The following SMU1 variants were observed in gnomAD, a reference collection of about 807,000 sequenced individuals.
The protein encoded by SMU1 is WD40 repeat-containing protein SMU1.
A neutral mutation model predicts 62.0 loss-of-function variants in SMU1; 2 were observed. That is an observed-to-expected ratio of 0.03 (90% confidence interval 0.01 to 0.10). The LOEUF is 0.10. Among genes scored for constraint, SMU1 ranks in the 10% least tolerant of loss-of-function variants. The pLI is 1.00. For synonymous variants in SMU1, 188 were observed against 212.4 expected (o/e 0.89, Z 1.00); for missense variants, 227 against 622.1 (o/e 0.36, Z 6.76).
intron 4 of SMU1, among the ~76,000 whole-genome samples, chr9:33,066,436 T>C (rs1406160068): frequency 1.4e-5 from 2 of 143,678 alleles, no homozygotes; most frequent in East Asian, 4.1e-4. Context: ...ACACCTGTAA[T>C]CCCAGTACTT....
chr9:33,051,076 G>A (rs1331555650), intron 10 of SMU1, among the ~76,000 whole-genome samples: 6 of 109,262 alleles, frequency 5.5e-5, no homozygotes, highest in African/African-American at 1.6e-4. Context: ...AGCCGAGATC[G>A]CGCCACTGCA....
chr9:33,048,405 G>A (rs1487546287), intron 10 of SMU1, 147 bp from the exon 11 acceptor site: 1 of 927,982 alleles, frequency 1.1e-6, no homozygotes, highest in Non-Finnish European at 1.6e-6. Flanking sequence ...TGTTCATCAT[G>A]TGCTAACTCC....
In SMU1 at chr9:33,044,782, C is replaced by G. The variant is rs1430734829; in HGVS notation, c.*2511G>C. ...AAGAAGAAAAATATATACTTAACGGCTCCTAATCCAGCTCTCTTTGCCTGG... is the reference window on the plus strand; with the variant it reads ...AAGAAGAAAAATATATACTTAACGGGTCCTAATCCAGCTCTCTTTGCCTGG... On this transcript the variant is annotated 3_prime_UTR_variant, in exon 12 of 12. Transcript: ENST00000397149. The G allele has an allele frequency of 6.6e-6, 1 of 152,168 alleles. No homozygotes were observed. The highest frequency in any genetic ancestry group is 1.5e-5 in the Non-Finnish European group (1 of 68,050). 9.4% of individuals were successfully genotyped at this position (152,168 alleles called of 1,614,324 possible).
chr9:33,071,696 T>C, intron 3 of SMU1, 44 bp downstream of exon 3: 1 of 1,565,210 alleles, frequency 6.4e-7, no homozygotes, highest in Non-Finnish European at 8.6e-7. Context: ...GTTATTTCAT[T>C]TCCAAAGTTA....
At chr9:33,072,198 G>T (rs561285767) in intron 2 of SMU1, among the ~76,000 whole-genome samples, 1 of 152,248 alleles carries the variant, frequency 6.6e-6, no homozygotes, top group East Asian at 1.9e-4. Context: ...TTAGCTGGGT[G>T]TGGTGGTATA....
intron 2 of SMU1, among the ~76,000 whole-genome samples, chr9:33,072,396 A>T (rs1317927606): frequency 2.6e-5 from 4 of 152,088 alleles, no homozygotes; most frequent in African/African-American, 9.7e-5. Context: ...TTATCTACCA[A>T]TCTCCCCTCC....
chr9:33,053,417 T>G, intron 9 of SMU1, 127 bp from the exon 10 acceptor site: 2 of 970,710 alleles, frequency 2.1e-6, no homozygotes, highest in South Asian at 3.3e-5. Context: ...AGTTTCTTAC[T>G]TGATTTTAGG....
At chr9:33,073,179 T>G (rs1181832083) in intron 2 of SMU1, among the ~76,000 whole-genome samples, 1 of 152,142 alleles carries the variant, frequency 6.6e-6, no homozygotes, top group Non-Finnish European at 1.5e-5. Context: ...GGCGAACTGC[T>G]TGAGCCCAGG....
intron 7 of SMU1, 35 bp from the exon 8 acceptor site, chr9:33,056,999 CTTG>C (rs1290457327): frequency 2.5e-6 from 4 of 1,588,512 alleles, no homozygotes; most frequent in Middle Eastern, 1.7e-4. Flanking sequence ...TTAAAAAAAC[CTTG>C]TTAAGTGTCC....
intron 10 of SMU1, among the ~76,000 whole-genome samples, chr9:33,049,153 G>C (rs1478015031): frequency 6.6e-6 from 1 of 152,162 alleles, no homozygotes; most frequent in Admixed American, 6.5e-5. Flanking sequence ...AAAAGACCCA[G>C]AATAGCGAAC....
In SMU1 at chr9:33,076,567, C is replaced by G. The variant is rs763859260; in HGVS notation, c.26+16G>C. ...GGCCCCCGGCAAGGCGCGAACATCC[C>G]CACCGCAGGACTCACTCCGAAGATT... On this transcript the variant is annotated intron_variant, in intron 1 of 11. Transcript: ENST00000397149. 1.9e-6 allele frequency: 3 copies of G among 1,613,720 alleles called. No homozygotes were observed. The highest frequency in any genetic ancestry group is 2.2e-5 in the East Asian group (1 of 44,868).
intron 1 of SMU1, among the ~76,000 whole-genome samples, chr9:33,074,964 G>C (rs1325489277): frequency 6.6e-6 from 1 of 152,004 alleles, no homozygotes; most frequent in Non-Finnish European, 1.5e-5. Flanking sequence ...GTAGAGACGT[G>C]GTTTTGCCAT....
intron 3 of SMU1, among the ~76,000 whole-genome samples, chr9:33,069,834 C>G (rs1231461400): frequency 6.6e-6 from 1 of 151,664 alleles, no homozygotes; most frequent in Non-Finnish European, 1.5e-5. Context: ...AATAAATAAC[C>G]AGAATACAGG....
rs1396928552 is a variant in SMU1 at position 33,047,429 on chromosome 9, C to G, written c.1444-38G>C. 1.9e-6 allele frequency: 3 copies of G among 1,563,808 alleles called. No homozygotes were observed. In the African/African-American group the frequency reaches 4.1e-5, roughly 21 times the overall value. On this transcript the variant is annotated intron_variant, in intron 11 of 11. Coordinates refer to ENST00000397149, the MANE Select transcript of SMU1 (RefSeq NM_018225.3). ...AAGCACAGGGTTAGGATGTACAGAT[C>G]TGCAATAAATCACTCTGATGAGGCT...
chr9:33,050,860 G>A (rs1277875087), intron 10 of SMU1, among the ~76,000 whole-genome samples: 1 of 115,616 alleles, frequency 8.6e-6, no homozygotes, highest in South Asian at 2.4e-4. Context: ...GGTGGCTCAC[G>A]CCTGTAATCC....
intron 11 of SMU1, 65 bp from the exon 12 acceptor site, chr9:33,047,456 C>T: frequency 3.7e-6 from 5 of 1,355,004 alleles, no homozygotes; most frequent in Non-Finnish European, 5.2e-6. Context: ...GATGAGGCTT[C>T]CAGAGGTGGG....
chr9:33,062,402 A>G (rs758809255), intron 4 of SMU1, among the ~76,000 whole-genome samples: 5 of 152,194 alleles, frequency 3.3e-5, no homozygotes, highest in African/African-American at 4.8e-5. Context: ...CAACAAGTCT[A>G]TCATCCACCT....
At chr9:33,055,143 G>A (rs557926948) in intron 9 of SMU1, among the ~76,000 whole-genome samples, 4 of 151,936 alleles carry the variant, frequency 2.6e-5, no homozygotes, top group South Asian at 2.1e-4. Flanking sequence ...AATTTCAGAC[G>A]GTGGTCTGAC....
intron 1 of SMU1, among the ~76,000 whole-genome samples, chr9:33,074,804 T>C (rs2117891245): frequency 6.7e-6 from 1 of 149,082 alleles, no homozygotes; most frequent in South Asian, 2.1e-4. Flanking sequence ...AAATGGTCAC[T>C]TGCATCGCTC....
Sources: gnomAD v4.1 joint callset for allele counts (sites outside exome capture counted in the v4.1 genomes callset) on GRCh38, gnomAD v4.1.1 for gene constraint, MANE v1.5 for transcripts, NCBI Gene and HGNC (gene_info 2026-07-23, HGNC 2026-07-21) for gene names.